The following PCDHGC5 variants were observed in gnomAD, a reference collection of about 807,000 sequenced individuals.
PCDHGC5 encodes the protein protocadherin gamma subfamily C, 5, also known as protocadherin gamma-C5.
In PCDHGC5, 25 loss-of-function variants were observed where a neutral mutation model predicts 59.0. That is an observed-to-expected ratio of 0.42 (90% CI 0.31 to 0.59). PCDHGC5 has a LOEUF of 0.59. PCDHGC5 is among the 20% of genes least tolerant of loss of function. PCDHGC5 has a pLI of 0.13. For synonymous variants in PCDHGC5, 434 were observed against 505.5 expected (o/e 0.86, Z 1.90); for missense variants, 1,067 against 1,206.4 (o/e 0.88, Z 1.71).
intron 2 of PCDHGC5, 107 bp from the exon 3 acceptor site, chr5:141,505,286 A>T: frequency 3.2e-6 from 5 of 1,551,278 alleles, no homozygotes; most frequent in Non-Finnish European, 4.4e-6. Flanking sequence ...GGTCTTGGGC[A>T]TGGGGTAGGG....
Position 141,493,689 on chromosome 5 carries a change from C to A in PCDHGC5, c.2461-1118C>A, listed in dbSNP as rs2099749557. The stretch of plus-strand genomic sequence containing the variant: ...GGCAGCCCCAGAATGGTGCTGGTGA[C>A]TCCCGATACACCTGGAATGCTAGGT... On this transcript the variant is annotated intron_variant, in intron 1 of 3. Transcript: ENST00000252087. The surrounding 1 kb of genome is among the most constrained non-coding windows in gnomAD (Gnocchi z 4.3). Among the ~76,000 whole-genome samples the A allele has an allele frequency of 6.6e-6, 1 of 152,218 alleles. No homozygotes were observed. The highest frequency in any genetic ancestry group is 2.4e-5 in the African/African-American group (1 of 41,450).
intron 3 of PCDHGC5, among the ~76,000 whole-genome samples, chr5:141,510,117 T>C (rs1205620535): frequency 6.6e-6 from 1 of 151,908 alleles, no homozygotes; most frequent in East Asian, 1.9e-4. Context: ...TGTTTTGAAA[T>C]ACAAAAATTA....
In PCDHGC5 at chr5:141,500,938, G is replaced by A. The variant is rs1317178701; in HGVS notation, c.2520-4455G>A. On this transcript the variant is annotated intron_variant, in intron 2 of 3. Transcript: ENST00000252087. Reference sequence around the variant, plus strand: ...GGCTGGGGTGCAGTGGCGCCATCTCGGCTCACTGCAAGCTCCACCTCCTGG... The same window carrying A: ...GGCTGGGGTGCAGTGGCGCCATCTCAGCTCACTGCAAGCTCCACCTCCTGG... 2.6e-5 allele frequency among the ~76,000 whole-genome samples: 4 copies of A among 151,060 alleles called. No homozygotes were observed. The East Asian group carries it at 5.8e-4, about 22-fold the overall frequency.
In PCDHGC5 at chr5:141,494,863, C is replaced by A. The variant is rs538734954; in HGVS notation, c.2517C>A (p.Ser839Arg). 17 of 1,614,118 alleles carry A rather than the reference C, an allele frequency of 1.1e-5. No individual in the cohort carries two copies. Among genetic ancestry groups the A allele is most frequent in the Non-Finnish European group, 1.4e-5 (17 of 1,179,994 alleles). Residue 839 changes from serine to arginine, a missense_variant and splice_region_variant, in exon 2 of 4, where the codon AGC becomes AGA. By Grantham distance (110) the Ser-to-Arg change is moderately radical. Transcript: ENST00000252087. ...RFSQAQRPGT[S>R]GSQNGDDTGT... ...CTCAGGCCCAGAGACCCGGCACCAG[C>A]GGGTAGGTGACTGATTCTCCAGCCC...
At chr5:141,502,274 A>G (rs573517581) in intron 2 of PCDHGC5, among the ~76,000 whole-genome samples, 18 of 152,128 alleles carry the variant, frequency 1.2e-4, no homozygotes, top group African/African-American at 4.1e-4. Context: ...ATCAAGGAGC[A>G]TAGATTGCAT....
chr5:141,494,671 C>T, intron 1 of PCDHGC5, 136 bp from the exon 2 acceptor site: 1 of 1,532,340 alleles, frequency 6.5e-7, no homozygotes, highest in East Asian at 2.4e-5. Context: ...GAGATGAGTC[C>T]ACCCCTGCCC....
chr5:141,501,017 C>T (rs1383853662), intron 2 of PCDHGC5, among the ~76,000 whole-genome samples: 5 of 151,866 alleles, frequency 3.3e-5, no homozygotes, highest in African/African-American at 7.3e-5. Flanking sequence ...TACAGGCACG[C>T]GCCACCACGC....
At chr5:141,498,971 G>GGGAGGGAAGGAAGGAA (rs2099787588) in intron 2 of PCDHGC5, among the ~76,000 whole-genome samples, 1 of 110,970 alleles carries the variant, frequency 9.0e-6, no homozygotes, top group African/African-American at 3.6e-5. Flanking sequence ...GAGGGAGGGA[G>GGGAGGGAAGGAAGGAA]GGAAGGAAGG....
chr5:141,494,820 AC>A lies in PCDHGC5; in HGVS notation c.2475del (p.Asn825LysfsTer39). 6.2e-7 allele frequency: 1 copy of A among 1,613,988 alleles called. No homozygotes were observed. The highest frequency in any genetic ancestry group is 2.2e-5 in the East Asian group (1 of 44,874). On this transcript the variant is annotated frameshift_variant, in exon 2 of 4. Coordinates refer to ENST00000252087, the MANE Select transcript of PCDHGC5 (RefSeq NM_018929.3). LOFTEE classifies it high-confidence loss of function. ...TTTTCTCCACAGCAAGCCCCGCCCA[AC>A]ACGGACTGGCGTTTCTCTCAGGCCC... ...LRERSQQAPP[N>X]TDWRFSQAQR...
intron 2 of PCDHGC5, among the ~76,000 whole-genome samples, chr5:141,501,530 G>A (rs556760554): frequency 3.5e-4 from 53 of 151,998 alleles, no homozygotes; most frequent in Admixed American, 2.2e-3. Context: ...AGCCCAGTAC[G>A]TTGTTGTGCA....
chr5:141,501,447 A>G (rs1483189279), intron 2 of PCDHGC5, among the ~76,000 whole-genome samples: 1 of 151,816 alleles, frequency 6.6e-6, no homozygotes, highest in Middle Eastern at 3.2e-3. Flanking sequence ...TTCCATTTTT[A>G]CTTTTCACTA....
chr5:141,503,598 CAAAAAAAAAA>C (rs765754054), intron 2 of PCDHGC5, among the ~76,000 whole-genome samples: 1 of 65,762 alleles, frequency 1.5e-5, no homozygotes. Context: ...GACTCCAGCT[CAAAAAAAAAA>C]AAAAAAGAAA....
intron 1 of PCDHGC5, chr5:141,492,046 A>C: frequency 6.1e-6 from 3 of 494,434 alleles, no homozygotes; most frequent in South Asian, 8.1e-5. Flanking sequence ...TCACAGATCC[A>C]CCCCTGCAGC....
At chr5:141,510,682 G>C (rs1014890367) in intron 3 of PCDHGC5, among the ~76,000 whole-genome samples, 2 of 152,154 alleles carry the variant, frequency 1.3e-5, no homozygotes, top group Non-Finnish European at 2.9e-5. Context: ...GTGGCATAAG[G>C]AGGTTAGGTA....
chr5:141,494,434 T>A (rs976526647), intron 1 of PCDHGC5, among the ~76,000 whole-genome samples: 2 of 152,166 alleles, frequency 1.3e-5, no homozygotes, highest in Middle Eastern at 3.2e-3. Flanking sequence ...AAAAGCCTCC[T>A]TTGCCACTTT....
chr5:141,498,103 G>C (rs2099781622), intron 2 of PCDHGC5, among the ~76,000 whole-genome samples: 1 of 152,216 alleles, frequency 6.6e-6, no homozygotes. Context: ...GGTGGTGTGG[G>C]CGTATAATAG....
At chr5:141,500,012 A>G (rs2099795840) in intron 2 of PCDHGC5, among the ~76,000 whole-genome samples, 1 of 151,622 alleles carries the variant, frequency 6.6e-6, no homozygotes, top group Non-Finnish European at 1.5e-5. Flanking sequence ...TAAGGTCCAC[A>G]TTTTATATTT....
chr5:141,494,037 T>C (rs2099751443), intron 1 of PCDHGC5, among the ~76,000 whole-genome samples: 1 of 152,146 alleles, frequency 6.6e-6, no homozygotes, highest in South Asian at 2.1e-4. Context: ...GAGACTTAGT[T>C]GGCCCTGCTT....
intron 2 of PCDHGC5, among the ~76,000 whole-genome samples, chr5:141,496,500 C>T (rs1350421492): frequency 6.6e-6 from 1 of 152,162 alleles, no homozygotes; most frequent in Non-Finnish European, 1.5e-5. Flanking sequence ...ACCCTTGTTG[C>T]CACAAGGACC....
Sources: gnomAD v4.1 joint callset for allele counts (sites outside exome capture counted in the v4.1 genomes callset) on GRCh38, gnomAD v4.1.1 for gene constraint, Gnocchi (gnomAD v3.1) non-coding constraint, MANE v1.5 for transcripts, NCBI Gene and HGNC (gene_info 2026-07-23, HGNC 2026-07-21) for gene names.